Variants in NTRK1 observed in about 807,000 individuals in gnomAD.
NTRK1 encodes the protein high affinity nerve growth factor receptor.
A neutral mutation model predicts 86.8 loss-of-function variants in NTRK1; 62 were observed. That is an observed-to-expected ratio of 0.71 (90% CI 0.58 to 0.88). The LOEUF is 0.88. Ranked by LOEUF, NTRK1 falls within the 40% of genes least tolerant of loss-of-function variation. The probability of loss-of-function intolerance (pLI) is 0.00; values close to 1 mark genes in which losing one functional copy is unlikely to be tolerated. For synonymous variants in NTRK1, 469 were observed against 456.6 expected (o/e 1.03, Z -0.35); for missense variants, 967 against 1,078.4 (o/e 0.90, Z 1.45).
intron 1 of NTRK1, among the ~76,000 whole-genome samples, chr1:156,836,173 C>T (rs1369035110): frequency 6.6e-6 from 1 of 152,148 alleles, no homozygotes; most frequent in Non-Finnish European, 1.5e-5. Flanking sequence ...AGAGTGGGCC[C>T]TCAGGATGGG....
intron 1 of NTRK1, chr1:156,841,393 C>T: frequency 6.2e-7 from 1 of 1,613,644 alleles, no homozygotes; most frequent in Non-Finnish European, 8.5e-7. Context: ...AGGTGACTCA[C>T]AGCTGAAGGG....
intron 8 of NTRK1, 34 bp downstream of exon 8, chr1:156,873,993 C>A (rs1647737031): frequency 7.1e-6 from 11 of 1,542,402 alleles, no homozygotes; most frequent in Non-Finnish European, 9.7e-6. Context: ...GCCCCCACTC[C>A]TGGGCTCCTC....
At chr1:156,847,499 G>A (rs1210705100) in intron 2 of NTRK1, among the ~76,000 whole-genome samples, 1 of 152,190 alleles carries the variant, frequency 6.6e-6, no homozygotes, top group Non-Finnish European at 1.5e-5. Context: ...TCACATTGAT[G>A]TTCATGATAA....
At chr1:156,843,053 T>C in intron 2 of NTRK1, 1 of 1,614,172 alleles carries the variant, frequency 6.2e-7, no homozygotes, top group Non-Finnish European at 8.5e-7. Flanking sequence ...CTTGAGGAAC[T>C]CAATGCATTC....
chr1:156,841,075 G>A (rs778994457), intron 1 of NTRK1: 24 of 1,570,506 alleles, frequency 1.5e-5, no homozygotes, highest in African/African-American at 2.7e-5. Context: ...GCGTGGGTTC[G>A]GCTGCCAGCA....
intron 2 of NTRK1, among the ~76,000 whole-genome samples, chr1:156,848,405 T>C (rs547897074): frequency 1.8e-4 from 27 of 152,340 alleles, no homozygotes; most frequent in African/African-American, 6.0e-4. Flanking sequence ...CCTAACCGTG[T>C]TTTTGGAGAA....
At chr1:156,853,519 C>G (rs903529458) in intron 2 of NTRK1, among the ~76,000 whole-genome samples, 1 of 152,214 alleles carries the variant, frequency 6.6e-6, no homozygotes, top group Non-Finnish European at 1.5e-5. Context: ...CACCTTGAAC[C>G]TGTCCTTCAC....
In NTRK1 at chr1:156,881,513, A is replaced by G. The variant is rs1333028242; in HGVS notation, c.2262A>G (p.Pro754=). 1 of 1,598,602 alleles carries G rather than the reference A, an allele frequency of 6.3e-7. No individual in the cohort carries two copies. Among genetic ancestry groups the G allele is most frequent in the Non-Finnish European group, 8.5e-7 (1 of 1,173,008 alleles). The change falls in exon 17 of 17, where the codon CCA becomes CCG. Residue 754 remains proline, a synonymous_variant. Coordinates refer to ENST00000524377, the MANE Select transcript of NTRK1 (RefSeq NM_002529.4). ...TGGAGCGGCCACGTGCCTGCCCACC[A>G]GAGGTCTACGCCATCATGCGGGGCT... ...RELERPRACP[P]EVYAIMRGCW...
In NTRK1 at chr1:156,848,715, T is replaced by G. The variant is rs146292433; in HGVS notation, c.50+6522T>G. 1.3e-3 allele frequency among the ~76,000 whole-genome samples: 201 copies of G among 152,274 alleles called. 1 individual carries two copies. In the East Asian group the frequency reaches 0.025, roughly 19 times the overall value. On this transcript the variant is annotated intron_variant, in intron 2 of 16. Coordinates refer to the NTRK1 transcript ENST00000392302. ...AGAAGCCCTGTCTTCTCCATTTCACTTGGTGAGGGGAAACCGAGGCATGAA... is the reference window on the plus strand; with the variant it reads ...AGAAGCCCTGTCTTCTCCATTTCACGTGGTGAGGGGAAACCGAGGCATGAA...
At position 156,881,592 on chromosome 1, in the gene NTRK1, C is replaced by T. The variant is rs2102931372; in HGVS notation, c.2341C>T (p.Leu781=). The T allele has an allele frequency of 1.2e-6, 2 of 1,611,436 alleles. No homozygotes were observed. Among genetic ancestry groups the T allele is most frequent in the Non-Finnish European group, 1.7e-6 (2 of 1,179,196 alleles). Residue 781 remains leucine (L), a synonymous_variant, in exon 17 of 17, where the codon CTG becomes TTG. Coordinates refer to ENST00000524377, the MANE Select transcript of NTRK1 (RefSeq NM_002529.4). ...RHSIKDVHAR[L]QALAQAPPVY... ...CAGCATCAAGGATGTGCACGCCCGG[C>T]TGCAAGCCCTGGCCCAGGCACCTCC...
chr1:156,862,254 ATCTC>A (rs376359280), intron 1 of NTRK1, among the ~76,000 whole-genome samples: 48 of 152,156 alleles, frequency 3.2e-4, no homozygotes, highest in African/African-American at 8.9e-4. Flanking sequence ...AAGGCACTCA[ATCTC>A]TCTCTCTAAT....
At chr1:156,867,829 A>G (rs543578604) in intron 4 of NTRK1, among the ~76,000 whole-genome samples, 3 of 151,284 alleles carry the variant, frequency 2.0e-5, no homozygotes, top group East Asian at 4.0e-4. Context: ...GCCCGCCACC[A>G]TGCCTGGCTA....
At chr1:156,817,643 T>A (rs561865929) in intron 1 of NTRK1, among the ~76,000 whole-genome samples, 22 of 95,146 alleles carry the variant, frequency 2.3e-4, no homozygotes, top group African/African-American at 1.0e-3. Flanking sequence ...TGTTGACATC[T>A]TTTTTTTTTT....
At chr1:156,868,442 T>A (rs1647305643) in intron 5 of NTRK1, 63 bp from the exon 6 acceptor site, 31 of 1,548,354 alleles carry the variant, frequency 2.0e-5, no homozygotes, top group Non-Finnish European at 2.7e-5. Flanking sequence ...AGCCCCGCAG[T>A]AGAGTTCTGG....
At chr1:156,818,352 A>T (rs1366958619) in intron 1 of NTRK1, among the ~76,000 whole-genome samples, 1 of 152,150 alleles carries the variant, frequency 6.6e-6, no homozygotes, top group Non-Finnish European at 1.5e-5. Context: ...ATTTTTAATA[A>T]TTTTTGGGGT....
intron 1 of NTRK1, among the ~76,000 whole-genome samples, chr1:156,863,544 T>C (rs990902641): frequency 2.0e-5 from 3 of 152,056 alleles, no homozygotes; most frequent in Non-Finnish European, 4.4e-5. Flanking sequence ...CCCTAACTGA[T>C]AGCCTGTAAG....
intron 1 of NTRK1, among the ~76,000 whole-genome samples, chr1:156,819,214 G>T (rs1654115786): frequency 6.6e-6 from 1 of 152,090 alleles, no homozygotes; most frequent in Admixed American, 6.6e-5. Context: ...CACCATGTTG[G>T]CCAGGCTGGT....
chr1:156,846,157 T>A, intron 2 of NTRK1: 2 of 1,536,686 alleles, frequency 1.3e-6, no homozygotes, highest in Non-Finnish European at 1.8e-6. Context: ...GGGGTGTGGG[T>A]CTTCCTCCTG....
rs1462298803 is a variant in NTRK1, at chr1:156,853,800, T to C, written c.51-10554T>C. 6.2e-6 allele frequency: 10 copies of C among 1,611,418 alleles called. No individual in the cohort carries two copies. The South Asian group carries it at 7.7e-5, about 12-fold the overall frequency. ...CAGCATCTGTAGTCAGTGTGCCCGC[T>C]GAAGGTGGTCTTGGCACAGGGCTCA... On this transcript the variant is annotated intron_variant, in intron 2 of 16. Transcript: ENST00000392302.
Sources: gnomAD v4.1 joint callset for allele counts (sites outside exome capture counted in the v4.1 genomes callset) on GRCh38, gnomAD v4.1.1 for gene constraint, MANE v1.5 for transcripts, NCBI Gene and HGNC (gene_info 2026-07-23, HGNC 2026-07-21) for gene names.